Variants in CAMKMT observed in about 807,000 individuals in gnomAD.
CAMKMT encodes calmodulin-lysine N-methyltransferase.
CAMKMT carries 53 observed loss-of-function variants against 48.0 expected under a neutral mutation model. The observed-to-expected ratio is 1.10, with a 90% CI of 0.89 to 1.39. The LOEUF (loss-of-function observed/expected upper bound fraction) is 1.39. Ranked by LOEUF, CAMKMT falls within the 40% of genes most tolerant of loss-of-function variation. The pLI is 0.00. For missense variants in CAMKMT, 428 were observed against 402.7 expected (o/e 1.06, Z -0.54); for synonymous variants, 165 against 152.3 (o/e 1.08, Z -0.61).
At chr2:44,637,950 G>A (rs1397400236) in intron 3 of CAMKMT, among the ~76,000 whole-genome samples, 7 of 151,056 alleles carry the variant, frequency 4.6e-5, no homozygotes, top group Non-Finnish European at 7.4e-5. Context: ...CTGTAGTCCC[G>A]GCTACTTGGG....
intron 4 of CAMKMT, among the ~76,000 whole-genome samples, chr2:44,704,703 A>C (rs1677453147): frequency 6.6e-6 from 1 of 150,594 alleles, no homozygotes; most frequent in Non-Finnish European, 1.5e-5. Flanking sequence ...AAAAAAAACC[A>C]ATAAAGACAT....
chr2:44,763,704 CTG>C (rs1228251564), intron 9 of CAMKMT, among the ~76,000 whole-genome samples: 2 of 152,126 alleles, frequency 1.3e-5, no homozygotes, highest in African/African-American at 4.8e-5. Flanking sequence ...GACAGGTAAA[CTG>C]AGAGCTGAAG....
At chr2:44,519,799 T>G (rs1671008413) in intron 3 of CAMKMT, among the ~76,000 whole-genome samples, 2 of 152,188 alleles carry the variant, frequency 1.3e-5, no homozygotes, top group Admixed American at 1.3e-4. Flanking sequence ...TATCTTAATT[T>G]TGTACATGGT....
intron 3 of CAMKMT, among the ~76,000 whole-genome samples, chr2:44,546,273 C>T (rs1667399512): frequency 6.6e-6 from 1 of 151,556 alleles, no homozygotes; most frequent in Non-Finnish European, 1.5e-5. Flanking sequence ...CTAAAATCTC[C>T]TTCTTAGCCC....
chr2:44,598,925 C>T (rs1340281436), intron 3 of CAMKMT, among the ~76,000 whole-genome samples: 2 of 151,636 alleles, frequency 1.3e-5, no homozygotes, highest in African/African-American at 4.9e-5. Flanking sequence ...ATTGAGTAAT[C>T]ACACGTGTCG....
chr2:44,627,188 C>A (rs570389842), intron 3 of CAMKMT, among the ~76,000 whole-genome samples: 1 of 152,198 alleles, frequency 6.6e-6, no homozygotes, highest in African/African-American at 2.4e-5. Context: ...AATGTTAATT[C>A]AACCTTACAG....
chr2:44,722,405 T>C (rs1678521545), intron 7 of CAMKMT, among the ~76,000 whole-genome samples: 1 of 152,114 alleles, frequency 6.6e-6, no homozygotes, highest in Non-Finnish European at 1.5e-5. Flanking sequence ...TCAGTAAAAT[T>C]GGTCCAGAAT....
chr2:44,611,836 A>T (rs898612890), intron 3 of CAMKMT, among the ~76,000 whole-genome samples: 2 of 152,020 alleles, frequency 1.3e-5, no homozygotes, highest in African/African-American at 4.8e-5. Flanking sequence ...TGGCAAAAGC[A>T]GGAGCAAATG....
At chr2:44,615,890 A>G (rs1671861992) in intron 3 of CAMKMT, among the ~76,000 whole-genome samples, 1 of 152,140 alleles carries the variant, frequency 6.6e-6, no homozygotes, top group Non-Finnish European at 1.5e-5. Flanking sequence ...GCAGACATGC[A>G]GGCATTCATC....
At chr2:44,552,220 C>T (rs532527114) in intron 3 of CAMKMT, among the ~76,000 whole-genome samples, 2 of 152,204 alleles carry the variant, frequency 1.3e-5, no homozygotes, top group South Asian at 4.2e-4. Flanking sequence ...TGAGTGAGAA[C>T]ACTAACCTAC....
intron 2 of CAMKMT, among the ~76,000 whole-genome samples, chr2:44,373,498 T>C (rs960229733): frequency 2.0e-5 from 3 of 152,222 alleles, no homozygotes; most frequent in Non-Finnish European, 4.4e-5. Flanking sequence ...TGTTGCAATA[T>C]TACTGTAGGT....
In CAMKMT at chr2:44,451,678, G is replaced by T. The variant is rs191007697; in HGVS notation, c.376+61373G>T. On this transcript the variant is annotated intron_variant, in intron 3 of 10. Coordinates refer to ENST00000378494, the MANE Select transcript of CAMKMT (RefSeq NM_024766.5). ...GCTATTCTTTATTTCATTTATTCTT[G>T]TGAAATATGTTTACCTTTTTAACAA... Among the ~76,000 whole-genome samples, 384 of 151,796 alleles carry T rather than the reference G, an allele frequency of 2.5e-3. 1 individual carries two copies. The highest frequency in any genetic ancestry group is 8.2e-3 in the African/African-American group (339 of 41,458).
chr2:44,576,955 G>A (rs1669258401), intron 3 of CAMKMT, among the ~76,000 whole-genome samples: 1 of 152,164 alleles, frequency 6.6e-6, no homozygotes, highest in African/African-American at 2.4e-5. Context: ...TGTTTTCAAG[G>A]AGCTCATTTC....
rs559349588 is a variant in CAMKMT, at chr2:44,592,581, A to G, written c.377-111702A>G. Among the ~76,000 whole-genome samples, 16 of 152,264 alleles carry G rather than the reference A, an allele frequency of 1.1e-4. No homozygotes were observed. In the South Asian group the frequency reaches 3.1e-3, roughly 30 times the overall value. Reference sequence around the variant, plus strand: ...ACCAACGATGCTGGCATATTGTTATAATTGTTCTGTTTTATTATGTTATTA... The same window carrying G: ...ACCAACGATGCTGGCATATTGTTATGATTGTTCTGTTTTATTATGTTATTA... On this transcript the variant is annotated intron_variant, in intron 3 of 10. Coordinates refer to ENST00000378494, the MANE Select transcript of CAMKMT (RefSeq NM_024766.5).
At chr2:44,666,512 A>C (rs1169524717) in intron 3 of CAMKMT, among the ~76,000 whole-genome samples, 1 of 152,160 alleles carries the variant, frequency 6.6e-6, no homozygotes, top group Non-Finnish European at 1.5e-5. Context: ...ACAGACACCA[A>C]GATCTAAGTT....
intron 3 of CAMKMT, among the ~76,000 whole-genome samples, chr2:44,418,564 T>C (rs2104502902): frequency 6.6e-6 from 1 of 152,346 alleles, no homozygotes; most frequent in East Asian, 1.9e-4. Flanking sequence ...AAATACGTGT[T>C]AGTCTTTTCT....
chr2:44,648,987 G>A (rs1198895288), intron 3 of CAMKMT, among the ~76,000 whole-genome samples: 1 of 152,186 alleles, frequency 6.6e-6, no homozygotes, highest in African/African-American at 2.4e-5. Context: ...CTCAGAAGGT[G>A]TTGAAGGGAT....
At chr2:44,677,707 T>TAA (rs70937929) in intron 3 of CAMKMT, among the ~76,000 whole-genome samples, 4,100 of 147,514 alleles carry the variant, frequency 0.028, 92 homozygotes, top group African/African-American at 0.054. Flanking sequence ...AGACTCCGTC[T>TAA]AAAAAAAAAA....
intron 3 of CAMKMT, among the ~76,000 whole-genome samples, chr2:44,554,523 A>G (rs1667904210): frequency 6.6e-6 from 1 of 152,004 alleles, no homozygotes; most frequent in East Asian, 1.9e-4. Context: ...ATTGTGTGAA[A>G]CCTGGAGTTC....
Sources: gnomAD v4.1 joint callset for allele counts (sites outside exome capture counted in the v4.1 genomes callset) on GRCh38, gnomAD v4.1.1 for gene constraint, MANE v1.5 for transcripts, NCBI Gene and HGNC (gene_info 2026-07-23, HGNC 2026-07-21) for gene names.